UBN2: variants seen among roughly 807,000 people sequenced by gnomAD.
UBN2 encodes ubinuclein 2.
In UBN2, 35 loss-of-function variants were observed where a neutral mutation model predicts 120.2. That is an observed-to-expected ratio of 0.29 (90% CI 0.22 to 0.39). The LOEUF (loss-of-function observed/expected upper bound fraction) is 0.39, where lower values mean the gene tolerates loss of function less well. Ranked by LOEUF, UBN2 falls within the 10% of genes least tolerant of loss-of-function variation. The pLI is 1.00. For missense variants in UBN2, 1,693 were observed against 1,663.2 expected, an observed-to-expected ratio of 1.02 and a Z score of -0.31; for synonymous variants, 661 against 648.7, an observed-to-expected ratio of 1.02 and a Z score of -0.29.
Position 139,231,871 on chromosome 7 carries a change from G to A in UBN2, c.387G>A (p.Leu129=), listed in dbSNP as rs1234703131. The A allele has an allele frequency of 3.2e-6, 5 of 1,571,064 alleles. No homozygotes were observed. Residue 129 remains leucine, a synonymous_variant, in exon 1 of 18, where the codon CTG becomes CTA. Transcript: ENST00000473989. ...GGCCGCCGAGGGAGACGGTGCGCCT[G>A]GAGCTGGTGCTTAAGGACCCCACCG... The part of the protein sequence containing the change: ...PPRPPRETVR[L]ELVLKDPTDE...
At chr7:139,238,112 G>T (rs1362868658) in intron 2 of UBN2, among the ~76,000 whole-genome samples, 1 of 152,038 alleles carries the variant, frequency 6.6e-6, no homozygotes, top group Non-Finnish European at 1.5e-5. Flanking sequence ...AGTACTCTTG[G>T]CACTTTACTA....
rs879530007 is a variant in UBN2 at position 139,304,655 on chromosome 7, A to G, written c.*6819A>G. 4.0e-5 allele frequency: 6 copies of G among 151,400 alleles called. No individual in the cohort carries two copies. The highest frequency in any genetic ancestry group is 2.0e-4 in the Admixed American group (3 of 15,154). 9.4% of individuals were successfully genotyped at this position (151,400 alleles called of 1,614,324 possible). A position where few individuals can be genotyped will look rare whatever the true frequency, so the allele number is the denominator to read the frequency against. On this transcript the variant is annotated 3_prime_UTR_variant, in exon 18 of 18. Coordinates refer to ENST00000473989, the MANE Select transcript of UBN2 (RefSeq NM_173569.4). ...AGCACCAGGTCCAAGCAGACAAAGC[A>G]TCTGGTTAATTTCCAGAATTGGCTA...
chr7:139,284,574 G>A lies in UBN2; in HGVS notation c.3669G>A (p.Gln1223=). 6.2e-7 allele frequency: 1 copy of A among 1,604,926 alleles called. No homozygotes were observed. Among genetic ancestry groups the A allele is most frequent in the Non-Finnish European group, 8.5e-7 (1 of 1,175,700 alleles). ...CTTCAGTGGTAACAGCCAGTGTGCAGGTATGTATGTTCTGTACGTCCATGT... is the reference window on the plus strand; with the variant it reads ...CTTCAGTGGTAACAGCCAGTGTGCAAGTATGTATGTTCTGTACGTCCATGT... ...SGSSVVTASV[Q]STAGASLLAN... The change falls in exon 15 of 18, where the codon CAG becomes CAA. Residue 1223 remains glutamine, a splice_region_variant and synonymous_variant. Coordinates refer to ENST00000473989, the MANE Select transcript of UBN2 (RefSeq NM_173569.4).
intron 8 of UBN2, 24 bp from the exon 9 acceptor site, chr7:139,272,298 C>A: frequency 6.4e-7 from 1 of 1,564,558 alleles, no homozygotes; most frequent in Non-Finnish European, 8.7e-7. Context: ...CTGATAAAAA[C>A]TTCTAGTATG....
At chr7:139,268,414 TTAGAG>T (rs1208427769) in intron 7 of UBN2, among the ~76,000 whole-genome samples, 1 of 152,196 alleles carries the variant, frequency 6.6e-6, no homozygotes, top group African/African-American at 2.4e-5. Flanking sequence ...ACATGATTAT[TTAGAG>T]TAGGAACTCC....
At chr7:139,258,951 T>C (rs1430048089) in intron 4 of UBN2, among the ~76,000 whole-genome samples, 1 of 152,216 alleles carries the variant, frequency 6.6e-6, no homozygotes, top group Non-Finnish European at 1.5e-5. Flanking sequence ...ACAAAATCTA[T>C]AGAATTTGTA....
intron 2 of UBN2, among the ~76,000 whole-genome samples, chr7:139,248,603 TG>T (rs1796535014): frequency 6.6e-6 from 1 of 152,214 alleles, no homozygotes; most frequent in African/African-American, 2.4e-5. Flanking sequence ...TGAACAATGC[TG>T]TTCATTAATC....
In UBN2 at chr7:139,272,494, TTATGTATGTATG is replaced by T. The variant is rs142378700; in HGVS notation, c.1715+90_1715+101del. ...TTTGCATTTGAGAAGTGTATGTACG[TTATGTATGTATG>T]TATGTATGTATGTATGTATGTATGT... On this transcript the variant is annotated intron_variant, in intron 9 of 17. Coordinates refer to ENST00000473989, the MANE Select transcript of UBN2 (RefSeq NM_173569.4). 3.8e-4 allele frequency: 417 copies of T among 1,105,084 alleles called. 1 individual carries two copies. Among genetic ancestry groups the T allele is most frequent in the African/African-American group, 2.6e-3 (142 of 54,648 alleles). 68.5% of individuals were successfully genotyped at this position (1,105,084 alleles called of 1,614,324 possible).
At chr7:139,261,913 T>G (rs907122901) in intron 6 of UBN2, among the ~76,000 whole-genome samples, 172 bp downstream of exon 6, 1 of 151,724 alleles carries the variant, frequency 6.6e-6, no homozygotes, top group Non-Finnish European at 1.5e-5. Flanking sequence ...TTTGCCATGT[T>G]TCCTTTTAGA....
intron 6 of UBN2, among the ~76,000 whole-genome samples, chr7:139,265,706 G>A (rs1797077746): frequency 6.6e-6 from 1 of 152,130 alleles, no homozygotes; most frequent in African/African-American, 2.4e-5. Flanking sequence ...TACACACACA[G>A]GAGAAGGTAA....
chr7:139,312,017 A>G (rs981131366), downstream of UBN2, among the ~76,000 whole-genome samples: 2 of 152,240 alleles, frequency 1.3e-5, no homozygotes, highest in African/African-American at 4.8e-5. Context: ...TTCAAACTAC[A>G]TGCGAGTATG....
At chr7:139,248,677 T>C (rs902385761) in intron 2 of UBN2, among the ~76,000 whole-genome samples, 7 of 152,168 alleles carry the variant, frequency 4.6e-5, no homozygotes, top group African/African-American at 1.7e-4. Flanking sequence ...ATATTTCGTA[T>C]GTGGCAGGAC....
At chr7:139,264,578 G>A (rs1300112916) in intron 6 of UBN2, among the ~76,000 whole-genome samples, 1 of 151,916 alleles carries the variant, frequency 6.6e-6, no homozygotes, top group South Asian at 2.1e-4. Context: ...CACTATTTTT[G>A]TTTGTTTGTT....
chr7:139,265,630 A>G (rs1473548192), intron 6 of UBN2, among the ~76,000 whole-genome samples: 1 of 152,192 alleles, frequency 6.6e-6, no homozygotes, highest in African/African-American at 2.4e-5. Context: ...GTTATCCTAG[A>G]TTAGCCTATG....
At chr7:139,259,659 T>C (rs943455290) in intron 5 of UBN2, among the ~76,000 whole-genome samples, 2 of 152,222 alleles carry the variant, frequency 1.3e-5, no homozygotes, top group African/African-American at 4.8e-5. Context: ...TTCTAATCTT[T>C]TGGTACTAAA....
intron 11 of UBN2, 61 bp from the exon 12 acceptor site, chr7:139,276,036 A>G (rs1563219022): frequency 7.5e-7 from 1 of 1,331,296 alleles, no homozygotes; most frequent in East Asian, 2.4e-5. Flanking sequence ...TAAAAAATAA[A>G]ACAATTATGT....
Position 139,284,568 on chromosome 7 carries a change from T to C in UBN2, c.3663T>C (p.Ser1221=), listed in dbSNP as rs1296436847. 1.4e-5 allele frequency: 23 copies of C among 1,607,996 alleles called. No homozygotes were observed. Among genetic ancestry groups the C allele is most frequent in the East Asian group, 2.2e-5 (1 of 44,814 alleles). The change falls in exon 15 of 18, where the codon AGT becomes AGC. Residue 1221 remains serine, a synonymous_variant. Transcript: ENST00000473989. ...CAGGGTCTTCAGTGGTAACAGCCAG[T>C]GTGCAGGTATGTATGTTCTGTACGT... ...TASGSSVVTA[S]VQSTAGASLL...
the UBN2 span, among the ~76,000 whole-genome samples, chr7:139,317,626 A>C: frequency 7.6e-4 from 115 of 151,892 alleles, no homozygotes; most frequent in African/African-American, 2.6e-3. Context: ...CAGCTGATTT[A>C]GATCATTATT....
chr7:139,306,125 G>A lies in UBN2; in HGVS notation c.*8289G>A, dbSNP rs894657544. ...GATAACTATTACCCAAGATAACATG[G>A]AAATACTTCTGTTTTTGAAGTTAAC... On this transcript the variant is annotated 3_prime_UTR_variant, in exon 18 of 18. Transcript: ENST00000473989. The A allele has an allele frequency of 5.3e-5, 8 of 152,120 alleles. No homozygotes were observed. The highest frequency in any genetic ancestry group is 1.7e-4 in the African/African-American group (7 of 41,416). 9.4% of individuals were successfully genotyped at this position (152,120 alleles called of 1,614,324 possible).
Sources: allele counts gnomAD v4.1 joint callset (sites outside exome capture counted in the v4.1 genomes callset), GRCh38; gene constraint gnomAD v4.1.1; transcripts MANE v1.5; gene names NCBI Gene and HGNC (gene_info 2026-07-23, HGNC 2026-07-21).